The following CASQ2 variants were observed in gnomAD, a reference collection of about 807,000 sequenced individuals.
CASQ2 encodes calsequestrin 2, also known as calsequestrin-2.
CASQ2 carries 49 observed loss-of-function variants against 46.5 expected under a neutral mutation model. That is an observed-to-expected ratio of 1.05 (90% CI 0.84 to 1.34). CASQ2 has a LOEUF of 1.34. Among genes scored for constraint, CASQ2 ranks in the 40% most tolerant of loss-of-function variants. CASQ2 has a pLI of 0.00. For missense variants in CASQ2, 486 were observed against 481.3 expected (o/e 1.01, Z -0.09); for synonymous variants, 174 against 168.5 (o/e 1.03, Z -0.25).
chr1:115,728,007 C>T (rs949540618), intron 5 of CASQ2, among the ~76,000 whole-genome samples: 1 of 152,174 alleles, frequency 6.6e-6, no homozygotes, highest in Non-Finnish European at 1.5e-5. Flanking sequence ...ATGTGCAACG[C>T]TCTATAGAAA....
rs1648331024 is a variant in CASQ2 at position 115,744,905 on chromosome 1, G to A, written c.242C>T (p.Ala81Val). The A allele has an allele frequency of 3.1e-6, 5 of 1,612,012 alleles. No individual in the cohort carries two copies. The highest frequency in any genetic ancestry group is 4.2e-6 in the Non-Finnish European group (5 of 1,178,336). Reference protein sequence around the residue: ...QLKEIVLELVAQVLEHKAIGF... With the variant: ...QLKEIVLELVVQVLEHKAIGF... ...TATAGCTTTATGTTCAAGGACCTGG[G>A]CCACAAGCTGAAGAAACAAATGGAA... Residue 81 changes from alanine to valine, a missense_variant, in exon 2 of 11, where the codon GCC becomes GTC. Transcript: ENST00000261448.
At chr1:115,728,603 G>T (rs930880293) in intron 5 of CASQ2, among the ~76,000 whole-genome samples, 2 of 152,150 alleles carry the variant, frequency 1.3e-5, no homozygotes, top group Non-Finnish European at 2.9e-5. Context: ...AAGGAGAAGT[G>T]ATCAGAATGA....
intron 1 of CASQ2, among the ~76,000 whole-genome samples, chr1:115,753,628 C>T (rs1248921274): frequency 6.6e-6 from 1 of 152,198 alleles, no homozygotes; most frequent in Non-Finnish European, 1.5e-5. Flanking sequence ...GCCGCTGGGG[C>T]TCCCAGGGCA....
chr1:115,765,173 C>A (rs1238875677), intron 1 of CASQ2, among the ~76,000 whole-genome samples: 2 of 152,144 alleles, frequency 1.3e-5, no homozygotes, highest in Non-Finnish European at 2.9e-5. Context: ...TCTTAGTTTG[C>A]ATGTTTTCTT....
intron 1 of CASQ2, among the ~76,000 whole-genome samples, chr1:115,758,590 T>C (rs1422392591): frequency 2.0e-5 from 3 of 152,216 alleles, no homozygotes; most frequent in Non-Finnish European, 4.4e-5. Flanking sequence ...CTTGGGGTCA[T>C]GGAGGTGAAT....
chr1:115,739,412 G>C (rs555215510), intron 3 of CASQ2, among the ~76,000 whole-genome samples: 1 of 151,938 alleles, frequency 6.6e-6, no homozygotes, highest in Non-Finnish European at 1.5e-5. Context: ...ACCACGCTCC[G>C]CCATGTACCA....
Position 115,725,506 on chromosome 1 carries a change from A to G in CASQ2, c.783+2T>C. 6.2e-7 allele frequency: 1 copy of G among 1,601,104 alleles called. No individual in the cohort carries two copies. Among genetic ancestry groups the G allele is most frequent in the Non-Finnish European group, 8.5e-7 (1 of 1,177,238 alleles). ...GGCAAAGAGAGTTTGCCTCTTTCTT[A>G]CCCATGTTTCAAACATTTCTTCTGG... On this transcript the variant is annotated splice_donor_variant, in intron 7 of 10. Transcript: ENST00000261448. LOFTEE classifies it high-confidence loss of function.
intron 5 of CASQ2, among the ~76,000 whole-genome samples, chr1:115,730,332 T>C (rs754066441): frequency 6.6e-6 from 1 of 152,320 alleles, no homozygotes; most frequent in African/African-American, 2.4e-5. Flanking sequence ...GCAACTCATA[T>C]GATGTATTTA....
chr1:115,764,122 C>A (rs1223216574), intron 1 of CASQ2, among the ~76,000 whole-genome samples: 1 of 151,728 alleles, frequency 6.6e-6, no homozygotes, highest in Admixed American at 6.6e-5. Context: ...ACATAAATGG[C>A]AAAAGAATTT....
intron 10 of CASQ2, among the ~76,000 whole-genome samples, chr1:115,702,515 G>A (rs568026248): frequency 2.6e-4 from 40 of 152,310 alleles, no homozygotes; most frequent in Admixed American, 1.7e-3. Flanking sequence ...CCTGCCTGTA[G>A]AGTAGTTGCC....
At chr1:115,708,186 G>A (rs1654422743) in intron 8 of CASQ2, among the ~76,000 whole-genome samples, 1 of 152,194 alleles carries the variant, frequency 6.6e-6, no homozygotes. Context: ...GAAGTCAAAA[G>A]TGTGGCTTAA....
chr1:115,765,767 C>T (rs777260589), intron 1 of CASQ2, among the ~76,000 whole-genome samples: 20 of 152,156 alleles, frequency 1.3e-4, no homozygotes, highest in Non-Finnish European at 2.1e-4. Flanking sequence ...GCCTCCCCTC[C>T]AGCTATTTGT....
At chr1:115,715,625 C>A (rs1654677259) in intron 8 of CASQ2, among the ~76,000 whole-genome samples, 1 of 152,150 alleles carries the variant, frequency 6.6e-6, no homozygotes, top group South Asian at 2.1e-4. Context: ...TATGTTTGCA[C>A]AACTTTGTGA....
At chr1:115,727,226 A>AAAACAGATG (rs2101079382) in intron 5 of CASQ2, 104 bp from the exon 6 acceptor site, 1 of 879,848 alleles carries the variant, frequency 1.1e-6, no homozygotes, top group South Asian at 1.4e-5. Context: ...CAAAGACATA[A>AAAACAGATG]AAACAGATGT....
intron 9 of CASQ2, 147 bp downstream of exon 9, chr1:115,705,044 GC>G: frequency 1.4e-6 from 1 of 700,006 alleles, no homozygotes. Context: ...GTTCAATACT[GC>G]CCCAAGGGCC....
chr1:115,723,740 T>C (rs924929068), intron 7 of CASQ2, among the ~76,000 whole-genome samples: 19 of 152,164 alleles, frequency 1.2e-4, no homozygotes, highest in Admixed American at 3.9e-4. Flanking sequence ...GGTTTCACCA[T>C]GTTGGCCAGG....
intron 1 of CASQ2, among the ~76,000 whole-genome samples, chr1:115,746,353 A>G (rs1648390090): frequency 6.6e-6 from 1 of 152,224 alleles, no homozygotes; most frequent in Admixed American, 6.5e-5. Context: ...GTCTAATAGT[A>G]CAATTGCTGG....
At chr1:115,754,645 C>G (rs953283572) in intron 1 of CASQ2, among the ~76,000 whole-genome samples, 3 of 152,224 alleles carry the variant, frequency 2.0e-5, no homozygotes, top group Non-Finnish European at 4.4e-5. Flanking sequence ...CCCTGACACT[C>G]TGGCTCCAGA....
intron 5 of CASQ2, among the ~76,000 whole-genome samples, chr1:115,728,262 A>G (rs935618176): frequency 3.3e-5 from 5 of 152,142 alleles, no homozygotes; most frequent in African/African-American, 1.2e-4. Flanking sequence ...TTTGTCATCA[A>G]TTGCTATGAA....
Sources: gnomAD v4.1 joint callset for allele counts (sites outside exome capture counted in the v4.1 genomes callset) on GRCh38, gnomAD v4.1.1 for gene constraint, MANE v1.5 for transcripts, NCBI Gene and HGNC (gene_info 2026-07-23, HGNC 2026-07-21) for gene names.